The following AKAP6 variants were observed in gnomAD, a reference collection of about 807,000 sequenced individuals.
The protein encoded by AKAP6 is A-kinase anchor protein 6.
In AKAP6, 58 loss-of-function variants were observed where a neutral mutation model predicts 188.5. The ratio of observed to expected loss-of-function variants is 0.31; its 90% confidence interval spans 0.25 to 0.38. The LOEUF (loss-of-function observed/expected upper bound fraction) is 0.38, where lower values mean the gene tolerates loss of function less well. AKAP6 is among the 10% of genes least tolerant of loss of function. AKAP6 has a pLI of 1.00. For synonymous variants in AKAP6, 989 were observed against 998.6 expected (o/e 0.99, Z 0.18); for missense variants, 2,710 against 2,740.0 (o/e 0.99, Z 0.24).
At chr14:32,494,085 G>A (rs904888697) in intron 2 of AKAP6, among the ~76,000 whole-genome samples, 1 of 152,166 alleles carries the variant, frequency 6.6e-6, no homozygotes, top group Non-Finnish European at 1.5e-5. Flanking sequence ...GGAGACCATG[G>A]CTATCCATTC....
intron 2 of AKAP6, among the ~76,000 whole-genome samples, chr14:32,479,430 T>C (rs1029447928): frequency 6.6e-6 from 1 of 152,184 alleles, no homozygotes; most frequent in Non-Finnish European, 1.5e-5. Context: ...ATTTACTTTT[T>C]CTAATTATTT....
chr14:32,425,087 A>C (rs1889985594), intron 1 of AKAP6, among the ~76,000 whole-genome samples: 2 of 152,192 alleles, frequency 1.3e-5, no homozygotes, highest in Admixed American at 6.5e-5. Context: ...TCTATGGCTG[A>C]AGTAATTTAC....
chr14:32,742,159 G>T (rs111774475), intron 11 of AKAP6, among the ~76,000 whole-genome samples: 1 of 151,752 alleles, frequency 6.6e-6, no homozygotes, highest in Non-Finnish European at 1.5e-5. Context: ...ATTTATTGGC[G>T]TATAGTTGCT....
chr14:32,422,160 C>G (rs1286316761), intron 1 of AKAP6, among the ~76,000 whole-genome samples: 1 of 152,132 alleles, frequency 6.6e-6, no homozygotes, highest in Non-Finnish European at 1.5e-5. Context: ...ATATGATTGT[C>G]TCTTTATCTG....
chr14:32,494,349 A>G (rs548436818), intron 2 of AKAP6: 5 of 152,324 alleles, frequency 3.3e-5, no homozygotes, highest in Admixed American at 6.5e-5. Context: ...CAGAATGCTC[A>G]GTGCTGGCAT....
At chr14:32,458,172 C>T (rs1422232863) in intron 2 of AKAP6, among the ~76,000 whole-genome samples, 1 of 152,026 alleles carries the variant, frequency 6.6e-6, no homozygotes, top group Admixed American at 6.5e-5. Flanking sequence ...AAGAAGGGTG[C>T]CCAAAGTAAA....
At chr14:32,674,849 T>C (rs1422588697) in intron 7 of AKAP6, among the ~76,000 whole-genome samples, 3 of 152,058 alleles carry the variant, frequency 2.0e-5, no homozygotes, top group South Asian at 2.1e-4. Flanking sequence ...TGGCCCAGAA[T>C]TGAGCCCACA....
chr14:32,499,853 C>T (rs1880517621), intron 2 of AKAP6, among the ~76,000 whole-genome samples: 1 of 151,746 alleles, frequency 6.6e-6, no homozygotes, highest in South Asian at 2.1e-4. Flanking sequence ...AAAACTCTGA[C>T]AATTTTAGTT....
At chr14:32,450,263 T>C (rs6571516) in intron 2 of AKAP6, among the ~76,000 whole-genome samples, 41,715 of 151,930 alleles carry the variant, frequency 0.27, 11,291 homozygotes, top group African/African-American at 0.7. Flanking sequence ...TCTATCCCAA[T>C]CCAAATACTG....
chr14:32,811,132 G>A (rs1005709167), intron 12 of AKAP6, among the ~76,000 whole-genome samples: 1 of 151,486 alleles, frequency 6.6e-6, no homozygotes, highest in Admixed American at 6.6e-5. Flanking sequence ...CCAGCTACTG[G>A]GGAGGCTGAG....
intron 2 of AKAP6, among the ~76,000 whole-genome samples, chr14:32,439,821 C>A (rs1160282449): frequency 6.6e-6 from 1 of 152,168 alleles, no homozygotes; most frequent in African/African-American, 2.4e-5. Flanking sequence ...TTAATGTTAA[C>A]TTGACTGTGT....
At position 32,829,875 on chromosome 14, in the gene AKAP6, C is replaced by G; in HGVS notation, c.*70C>G. Reference sequence around the variant, plus strand: ...ACGCCTGGCTGCAACTCAGGGGTGGCCTCATCCTCCCGCCCTGGGCTGGCC... The same window carrying G: ...ACGCCTGGCTGCAACTCAGGGGTGGGCTCATCCTCCCGCCCTGGGCTGGCC... On this transcript the variant is annotated 3_prime_UTR_variant, in exon 14 of 14. Coordinates refer to ENST00000280979, the MANE Select transcript of AKAP6 (RefSeq NM_004274.5). The G allele has an allele frequency of 1.4e-6, 1 of 702,412 alleles. No individual in the cohort carries two copies. Among genetic ancestry groups the G allele is most frequent in the Non-Finnish European group, 2.6e-6 (1 of 384,620 alleles). 43.5% of individuals were successfully genotyped at this position (702,412 alleles called of 1,614,324 possible).
At chr14:32,603,541 A>G (rs1886016814) in intron 7 of AKAP6, among the ~76,000 whole-genome samples, 1 of 152,182 alleles carries the variant, frequency 6.6e-6, no homozygotes, top group Non-Finnish European at 1.5e-5. Flanking sequence ...TCCTCAGACC[A>G]TATCAGAACC....
intron 7 of AKAP6, among the ~76,000 whole-genome samples, chr14:32,643,362 C>T (rs767814864): frequency 6.6e-6 from 1 of 151,696 alleles, no homozygotes; most frequent in African/African-American, 2.4e-5. Flanking sequence ...GGCTGGAGTG[C>T]AGTGGCATGA....
intron 11 of AKAP6, among the ~76,000 whole-genome samples, chr14:32,750,652 C>A (rs1025310194): frequency 6.6e-6 from 1 of 151,946 alleles, no homozygotes; most frequent in African/African-American, 2.4e-5. Context: ...GATTGCTTCA[C>A]CCCAGGGGTT....
intron 7 of AKAP6, among the ~76,000 whole-genome samples, chr14:32,624,836 A>G (rs929483045): frequency 6.6e-6 from 1 of 152,102 alleles, no homozygotes; most frequent in Non-Finnish European, 1.5e-5. Context: ...AATTTATTTT[A>G]TATTCTGTAG....
chr14:32,626,308 G>A (rs926570346), intron 7 of AKAP6, among the ~76,000 whole-genome samples: 1 of 152,058 alleles, frequency 6.6e-6, no homozygotes, highest in Non-Finnish European at 1.5e-5. Flanking sequence ...CATATGTACA[G>A]TGCTAGGGCC....
intron 8 of AKAP6, among the ~76,000 whole-genome samples, chr14:32,683,236 C>G (rs539300825): frequency 2.2e-4 from 33 of 152,088 alleles, no homozygotes; most frequent in Non-Finnish European, 4.0e-4. Flanking sequence ...TCAAGTGATT[C>G]ACCCACCTCA....
At chr14:32,716,202 T>C (rs1243946151) in intron 9 of AKAP6, among the ~76,000 whole-genome samples, 1 of 151,928 alleles carries the variant, frequency 6.6e-6, no homozygotes, top group African/African-American at 2.4e-5. Flanking sequence ...ATGTTTGGCA[T>C]GGTTTCTGTC....
Sources: allele counts gnomAD v4.1 joint callset (sites outside exome capture counted in the v4.1 genomes callset), GRCh38; gene constraint gnomAD v4.1.1; transcripts MANE v1.5; gene names NCBI Gene and HGNC (gene_info 2026-07-23, HGNC 2026-07-21).